COL11A1: variants seen among roughly 807,000 people sequenced by gnomAD.
The protein encoded by COL11A1 is collagen alpha-1(XI) chain.
A neutral mutation model predicts 265.2 loss-of-function variants in COL11A1; 74 were observed. The ratio of observed to expected loss-of-function variants is 0.28; its 90% CI spans 0.23 to 0.34. The LOEUF is 0.34. Ranked by LOEUF, COL11A1 falls within the 10% of genes least tolerant of loss-of-function variation. The probability of loss-of-function intolerance (pLI) is 1.00; values close to 1 mark genes in which losing one functional copy is unlikely to be tolerated. For synonymous variants in COL11A1, 816 were observed against 727.6 expected (o/e 1.12, Z -1.96); for missense variants, 2,165 against 2,263.6 (o/e 0.96, Z 0.88).
intron 4 of COL11A1, among the ~76,000 whole-genome samples, chr1:103,043,470 T>G (rs1317983905): frequency 6.6e-6 from 1 of 151,962 alleles, no homozygotes; most frequent in Non-Finnish European, 1.5e-5. Context: ...ACTTTTCAGT[T>G]TTGTTGTCAG....
chr1:102,888,668 G>A (rs1340766430), intron 61 of COL11A1, 38 bp from the exon 62 acceptor site: 2 of 1,613,522 alleles, frequency 1.2e-6, no homozygotes, highest in Non-Finnish European at 8.5e-7. Flanking sequence ...ATAAAGAAGA[G>A]GCAATTAAAT....
intron 28 of COL11A1, among the ~76,000 whole-genome samples, chr1:102,992,854 C>A (rs992019533): frequency 4.6e-5 from 7 of 152,008 alleles, no homozygotes; most frequent in Admixed American, 3.9e-4. Context: ...ACTTTTGGTT[C>A]CCAATTTAAA....
rs536913503 is a variant in COL11A1, at chr1:102,962,558, C to T, written c.3024+95G>A. ...AATATTTTCCTGACACATCTTCTGA[C>T]ATTCATTTAAATGGAATCTGTAGAC... is the stretch of plus-strand genomic sequence containing the variant. On this transcript the variant is annotated intron_variant, in intron 39 of 66. Coordinates refer to ENST00000370096, the MANE Select transcript of COL11A1 (RefSeq NM_001854.4). The T allele has an allele frequency of 1.2e-4, 129 of 1,082,152 alleles. No homozygotes were observed. In the African/African-American group the frequency reaches 1.8e-3, roughly 15 times the overall value. The allele number at this position is 1,082,152 out of a possible 1,614,324, so 67.0% of individuals were successfully genotyped here.
chr1:103,017,483 C>T (rs1397949255), intron 11 of COL11A1, among the ~76,000 whole-genome samples: 1 of 152,024 alleles, frequency 6.6e-6, no homozygotes, highest in Non-Finnish European at 1.5e-5. Context: ...CTTATTCTGT[C>T]AGCATCCAAA....
intron 4 of COL11A1, among the ~76,000 whole-genome samples, chr1:103,060,438 A>G (rs918939423): frequency 1.3e-5 from 2 of 152,134 alleles, no homozygotes; most frequent in Non-Finnish European, 2.9e-5. Flanking sequence ...AGTGAAGGTA[A>G]AATATTTTTT....
At chr1:103,097,086 C>T (rs751192891) in intron 1 of COL11A1, among the ~76,000 whole-genome samples, 2 of 151,950 alleles carry the variant, frequency 1.3e-5, no homozygotes, top group Non-Finnish European at 2.9e-5. Context: ...CAACATGGCC[C>T]CAGTTCACTG....
chr1:102,921,795 G>A (rs1656018666), intron 47 of COL11A1, among the ~76,000 whole-genome samples: 1 of 152,164 alleles, frequency 6.6e-6, no homozygotes, highest in Non-Finnish European at 1.5e-5. Flanking sequence ...GAAACAATTT[G>A]ATTAGAAAAT....
At chr1:103,035,995 G>A (rs903722691) in intron 4 of COL11A1, among the ~76,000 whole-genome samples, 7 of 151,126 alleles carry the variant, frequency 4.6e-5, no homozygotes, top group Admixed American at 1.3e-4. Context: ...TGTTATAAAT[G>A]AAAAAAAGCA....
chr1:102,956,595 A>G (rs927998499), intron 41 of COL11A1, among the ~76,000 whole-genome samples: 3 of 152,092 alleles, frequency 2.0e-5, no homozygotes, highest in Admixed American at 6.6e-5. Flanking sequence ...TAGTAAACTA[A>G]AAATGCATAC....
intron 15 of COL11A1, 54 bp downstream of exon 15, chr1:103,008,409 A>G: frequency 7.0e-7 from 1 of 1,421,258 alleles, no homozygotes; most frequent in Non-Finnish European, 9.9e-7. Flanking sequence ...CGAAGGAATT[A>G]TGCTGTATCA....
chr1:103,042,106 G>A (rs1668858740), intron 4 of COL11A1, among the ~76,000 whole-genome samples: 1 of 151,894 alleles, frequency 6.6e-6, no homozygotes, highest in South Asian at 2.1e-4. Flanking sequence ...GTTACTTTGA[G>A]AATATTTGTC....
chr1:102,993,838 CAT>C (rs775338574), intron 28 of COL11A1, among the ~76,000 whole-genome samples: 4 of 152,236 alleles, frequency 2.6e-5, no homozygotes, highest in Non-Finnish European at 5.9e-5. Flanking sequence ...TGTGCCCAGT[CAT>C]ATTATAATTT....
intron 57 of COL11A1, among the ~76,000 whole-genome samples, chr1:102,897,450 A>C (rs1652580406): frequency 6.6e-6 from 1 of 151,352 alleles, no homozygotes; most frequent in Non-Finnish European, 1.5e-5. Context: ...AAAAATATAT[A>C]TATATATAAA....
intron 4 of COL11A1, among the ~76,000 whole-genome samples, chr1:103,034,954 A>G (rs537547005): frequency 2.0e-5 from 3 of 152,080 alleles, no homozygotes; most frequent in Non-Finnish European, 2.9e-5. Flanking sequence ...CCTGTGGCCA[A>G]TGAGGTCTCT....
chr1:103,108,164 G>T lies in COL11A1; in HGVS notation c.15C>A (p.Ser5=). MEPW[S]SRWKTKRWLW... is the part of the protein sequence containing the mutation. ...GCCACCGTTTCGTTTTCCACCTAGA[G>T]GACCACGGCTCCATCTCCGAGCCCC... The change falls in exon 1 of 67, where the codon TCC becomes TCA. Residue 5 remains serine (S), a synonymous_variant. Coordinates refer to ENST00000370096, the MANE Select transcript of COL11A1 (RefSeq NM_001854.4). 6.2e-7 allele frequency: 1 copy of T among 1,613,708 alleles called. No individual in the cohort carries two copies. Among genetic ancestry groups the T allele is most frequent in the Non-Finnish European group, 8.5e-7 (1 of 1,179,946 alleles).
chr1:103,099,575 T>C (rs1016567182), intron 1 of COL11A1, among the ~76,000 whole-genome samples: 1 of 151,474 alleles, frequency 6.6e-6, no homozygotes, highest in Non-Finnish European at 1.5e-5. Flanking sequence ...AAAGGTTCAA[T>C]AATGAATATA....
chr1:102,897,832 A>C (rs1047004619), intron 57 of COL11A1, among the ~76,000 whole-genome samples: 5 of 152,176 alleles, frequency 3.3e-5, no homozygotes, highest in Non-Finnish European at 7.4e-5. Context: ...GTTTTAGGGA[A>C]CTATCCAGAC....
chr1:103,017,974 AT>A, intron 10 of COL11A1, 92 bp from the exon 11 acceptor site: 2 of 1,052,776 alleles, frequency 1.9e-6, no homozygotes, highest in South Asian at 1.3e-5. Context: ...GTTCGTTTAT[AT>A]TTTATAAATA....
chr1:103,026,352 A>C lies in COL11A1; in HGVS notation c.781-20T>G. ...TGCATACTACATTGCAAAGGAAAAA[A>C]TATCAGGCAATTGTGTTAGTGGCAA... On this transcript the variant is annotated intron_variant, in intron 5 of 66. Coordinates refer to ENST00000370096, the MANE Select transcript of COL11A1 (RefSeq NM_001854.4). 6.6e-7 allele frequency: 1 copy of C among 1,517,136 alleles called. No individual in the cohort carries two copies. The highest frequency in any genetic ancestry group is 1.1e-5 in the South Asian group (1 of 89,092). 94.0% of individuals were successfully genotyped at this position (1,517,136 alleles called of 1,614,324 possible).
Sources: allele counts gnomAD v4.1 joint callset (sites outside exome capture counted in the v4.1 genomes callset), GRCh38; gene constraint gnomAD v4.1.1; transcripts MANE v1.5; gene names NCBI Gene and HGNC (gene_info 2026-07-23, HGNC 2026-07-21).